COL4A5: variants seen among roughly 807,000 people sequenced by gnomAD.
COL4A5 encodes collagen alpha-5(IV) chain.
A neutral mutation model predicts 130.2 loss-of-function variants in COL4A5; 26 were observed. The ratio of observed to expected loss-of-function variants is 0.20; its 90% CI spans 0.15 to 0.28. COL4A5 has a LOEUF of 0.28. Ranked by LOEUF, COL4A5 falls within the 10% of genes least tolerant of loss-of-function variation. COL4A5 has a pLI of 1.00. For missense variants in COL4A5, 1,131 were observed against 1,344.3 expected (o/e 0.84, Z 2.48); for synonymous variants, 496 against 439.6 (o/e 1.13, Z -1.60).
Position 108,601,909 on chromosome X carries a change from C to T in COL4A5, c.2066C>T (p.Pro689Leu). ...GGTGACCCTGGACTTCCAGGGCAAC[C>T]AGGCTTGCCAGGGATACCTGGTAGC... is the stretch of plus-strand genomic sequence containing the variant. ...LPGDPGLPGQ[P>L]GLPGIPGSKG... The change falls in exon 27 of 53, where the codon CCA becomes CTA. Residue 689 changes from proline (P) to leucine (L), a missense_variant. Coordinates refer to ENST00000328300, the MANE Select transcript of COL4A5 (RefSeq NM_033380.3). 1.7e-6 allele frequency: 2 copies of T among 1,161,043 alleles called. No individual in the cohort carries two copies. The highest frequency in any genetic ancestry group is 2.3e-6 in the Non-Finnish European group (2 of 864,038).
At chrX:108,542,884 C>T (rs1245662478) in intron 2 of COL4A5, among the ~76,000 whole-genome samples, 94 of 106,660 alleles carry the variant, frequency 8.8e-4, no homozygotes, top group African/African-American at 3.1e-3. Flanking sequence ...TTTCATGTGT[C>T]TTTTGGCTGC....
intron 19 of COL4A5, among the ~76,000 whole-genome samples, chrX:108,590,299 A>G (rs1464010219): frequency 1.8e-5 from 2 of 111,467 alleles, no homozygotes; most frequent in Admixed American, 9.5e-5. Flanking sequence ...CAAACGTACA[A>G]GAGAAAAAAA....
intron 37 of COL4A5, among the ~76,000 whole-genome samples, 190 bp from the exon 38 acceptor site, chrX:108,665,317 T>A (rs1462316670): frequency 1.8e-5 from 2 of 112,132 alleles, no homozygotes; most frequent in African/African-American, 6.5e-5. Context: ...TATATAATAA[T>A]GCCAACTTCA....
At chrX:108,521,672 C>A (rs971634438) in intron 1 of COL4A5, among the ~76,000 whole-genome samples, 1 of 111,067 alleles carries the variant, frequency 9.0e-6, no homozygotes, top group African/African-American at 3.3e-5. Flanking sequence ...AGTCTTGTAG[C>A]GTTTGCTGGT....
intron 52 of COL4A5, 72 bp from the exon 53 acceptor site, chrX:108,696,225 T>C (rs1351484514): frequency 9.9e-5 from 88 of 885,015 alleles, no homozygotes; most frequent in Non-Finnish European, 1.4e-4. Flanking sequence ...TGTTTAGTTA[T>C]AAATTTGAAC....
chrX:108,543,814 G>T lies in COL4A5; in HGVS notation c.141+4009G>T, dbSNP rs28768124. Among the ~76,000 whole-genome samples the T allele has an allele frequency of 7.2e-5, 8 of 111,724 alleles. No homozygotes were observed. In the East Asian group the frequency reaches 2.3e-3, roughly 31 times the overall value. On this transcript the variant is annotated intron_variant, in intron 2 of 52. Coordinates refer to ENST00000328300, the MANE Select transcript of COL4A5 (RefSeq NM_033380.3). ...AGTGGTTTGTAATTCTCCTCGAAGA[G>T]GTCCTTCACATCCCTTGTAAGTTGG... is the stretch of plus-strand genomic sequence containing the variant.
At chrX:108,497,060 A>G (rs1018731063) in intron 1 of COL4A5, among the ~76,000 whole-genome samples, 1 of 110,771 alleles carries the variant, frequency 9.0e-6, no homozygotes, top group African/African-American at 3.3e-5. Flanking sequence ...CCACTAACCT[A>G]CTCTCTGTTT....
chrX:108,689,989 C>T, intron 49 of COL4A5: 1 of 750,378 alleles, frequency 1.3e-6, no homozygotes, highest in East Asian at 1.5e-4. Context: ...TCATTATGGG[C>T]CTTCCTTTTA....
intron 9 of COL4A5, among the ~76,000 whole-genome samples, chrX:108,574,087 C>T (rs1258305681): frequency 9.0e-6 from 1 of 111,653 alleles, no homozygotes; most frequent in African/African-American, 3.3e-5. Context: ...GCATGGTGAA[C>T]ATCAAATGTA....
chrX:108,500,224 A>G (rs933474174), intron 1 of COL4A5, among the ~76,000 whole-genome samples: 1 of 112,174 alleles, frequency 8.9e-6, no homozygotes, highest in Non-Finnish European at 1.9e-5. Context: ...AATTATAGCA[A>G]TGTTCATGTT....
chrX:108,466,550 G>T (rs770172499), intron 1 of COL4A5, among the ~76,000 whole-genome samples: 1 of 111,756 alleles, frequency 8.9e-6, no homozygotes, highest in South Asian at 3.7e-4. Flanking sequence ...GTGCTTGTTG[G>T]CAATTTGTAT....
At chrX:108,540,234 G>A (rs1325919569) in intron 2 of COL4A5, among the ~76,000 whole-genome samples, 1 of 110,509 alleles carries the variant, frequency 9.0e-6, no homozygotes, top group Non-Finnish European at 1.9e-5. Context: ...TAAGTGTTGG[G>A]GTCCTTTAAT....
chrX:108,578,612 A>G (rs779950786), intron 13 of COL4A5, among the ~76,000 whole-genome samples: 3 of 111,298 alleles, frequency 2.7e-5, no homozygotes, highest in Non-Finnish European at 5.7e-5. Context: ...ATTAAAATGC[A>G]TTATAAGCTG....
intron 36 of COL4A5, among the ~76,000 whole-genome samples, chrX:108,637,498 A>G (rs2067377094): frequency 8.9e-6 from 1 of 111,980 alleles, no homozygotes; most frequent in Non-Finnish European, 1.9e-5. Context: ...GAAGTCAACA[A>G]AACTAAAAGT....
chrX:108,656,991 G>T (rs182453397), intron 37 of COL4A5, among the ~76,000 whole-genome samples: 20 of 111,478 alleles, frequency 1.8e-4, no homozygotes, highest in Non-Finnish European at 3.6e-4. Flanking sequence ...ATGAACAAAA[G>T]TTGTTAATTT....
chrX:108,593,787 A>G (rs748496750), intron 21 of COL4A5, among the ~76,000 whole-genome samples: 1 of 112,017 alleles, frequency 8.9e-6, no homozygotes, highest in African/African-American at 3.2e-5. Flanking sequence ...TCTTTGCACC[A>G]ATACGATACT....
chrX:108,632,823 C>T (rs765188084), intron 36 of COL4A5, among the ~76,000 whole-genome samples: 4 of 111,684 alleles, frequency 3.6e-5, no homozygotes, highest in African/African-American at 9.7e-5. Context: ...ATTGATGGAA[C>T]GTATCTCAAA....
chrX:108,466,633 T>C (rs1418193194), intron 1 of COL4A5, among the ~76,000 whole-genome samples: 3 of 111,014 alleles, frequency 2.7e-5, no homozygotes, highest in Non-Finnish European at 5.7e-5. Context: ...AAGGTCTTGC[T>C]CTGTTGCCCA....
At chrX:108,490,716 G>T (rs964291229) in intron 1 of COL4A5, among the ~76,000 whole-genome samples, 1 of 110,877 alleles carries the variant, frequency 9.0e-6, no homozygotes, top group Non-Finnish European at 1.9e-5. Context: ...CACGTGTCAT[G>T]GGGGTTTGTT....
Sources: allele counts gnomAD v4.1 joint callset (sites outside exome capture counted in the v4.1 genomes callset), GRCh38; gene constraint gnomAD v4.1.1; transcripts MANE v1.5; gene names NCBI Gene and HGNC (gene_info 2026-07-23, HGNC 2026-07-21).